The following ARID3B variants were observed in gnomAD, a reference collection of about 807,000 sequenced individuals.
ARID3B encodes AT-rich interactive domain-containing protein 3B.
A neutral mutation model predicts 51.9 loss-of-function variants in ARID3B; 10 were observed. That is an observed-to-expected ratio of 0.19 (90% confidence interval 0.12 to 0.33). The LOEUF is 0.33. Ranked by LOEUF, ARID3B falls within the 10% of genes least tolerant of loss-of-function variation. The pLI, the probability that ARID3B is intolerant of heterozygous loss-of-function variation, is 1.00. For missense variants in ARID3B, 483 were observed against 716.3 expected (o/e 0.67, Z 3.72); for synonymous variants, 205 against 279.5 (o/e 0.73, Z 2.66).
intron 4 of ARID3B, among the ~76,000 whole-genome samples, chr15:74,588,002 A>T (rs1231180962): frequency 6.6e-6 from 1 of 152,058 alleles, no homozygotes; most frequent in Non-Finnish European, 1.5e-5. Context: ...GTGCTTTGGG[A>T]GGCTGAGGCA....
At position 74,544,410 on chromosome 15, in the gene ARID3B, C is replaced by G. The variant is rs2061607670; in HGVS notation, c.474C>G (p.Thr158=). The G allele has an allele frequency of 1.2e-6, 2 of 1,614,162 alleles. No individual in the cohort carries two copies. The highest frequency in any genetic ancestry group is 1.1e-5 in the South Asian group (1 of 91,078). ...PHGQQAKEDH[T]KDASKASPSV... is the part of the protein sequence containing the mutation. ...GACAACAAGCTAAAGAAGACCATACCAAAGATGCTTCCAAGGCCTCACCTT... is the reference window on the plus strand; with the variant it reads ...GACAACAAGCTAAAGAAGACCATACGAAAGATGCTTCCAAGGCCTCACCTT... The change falls in exon 2 of 9, where the codon ACC becomes ACG. Residue 158 remains threonine, a synonymous_variant. Transcript: ENST00000346246.
At chr15:74,550,625 T>C (rs1390352616) in intron 2 of ARID3B, among the ~76,000 whole-genome samples, 1 of 150,884 alleles carries the variant, frequency 6.6e-6, no homozygotes, top group Non-Finnish European at 1.5e-5. Flanking sequence ...GAGAGTGGCA[T>C]GAACCCGGGA....
intron 2 of ARID3B, among the ~76,000 whole-genome samples, chr15:74,567,793 C>T (rs2061704894): frequency 6.6e-6 from 1 of 152,198 alleles, no homozygotes; most frequent in East Asian, 1.9e-4. Context: ...GAGGAAAAAG[C>T]CTAGTTTCTC....
rs147808851 is a variant in ARID3B at position 74,595,618 on chromosome 15, G to A, written c.1527G>A (p.Leu509=). The change falls in exon 9 of 9, where the codon CTG becomes CTA. Residue 509 remains leucine (L), a synonymous_variant. Transcript: ENST00000346246. ...DIDGTTYAGV[L]FAQKPVVHLI... ...TCTCTTCCACCCACCAAGGTGTGCT[G>A]TTTGCCCAGAAGCCTGTGGTCCACC... The A allele has an allele frequency of 1.8e-3, 2,887 of 1,612,600 alleles. 4 individuals are homozygous for A. Among genetic ancestry groups the A allele is most frequent in the Non-Finnish European group, 2.2e-3 (2,629 of 1,179,080 alleles).
At chr15:74,592,129 C>T (rs2061805957) in intron 7 of ARID3B, among the ~76,000 whole-genome samples, 1 of 152,214 alleles carries the variant, frequency 6.6e-6, no homozygotes, top group Non-Finnish European at 1.5e-5. Flanking sequence ...GCCATTACCC[C>T]AGCACCTCAC....
At chr15:74,567,027 A>G (rs895141476) in intron 2 of ARID3B, among the ~76,000 whole-genome samples, 1 of 151,826 alleles carries the variant, frequency 6.6e-6, no homozygotes, top group Non-Finnish European at 1.5e-5. Context: ...TTTTTTTTTC[A>G]ACAAAAATGG....
chr15:74,567,811 A>G (rs1415912308), intron 2 of ARID3B, among the ~76,000 whole-genome samples: 1 of 152,150 alleles, frequency 6.6e-6, no homozygotes, highest in Non-Finnish European at 1.5e-5. Flanking sequence ...CTCTTCACTC[A>G]CTACCTTTAG....
intron 2 of ARID3B, among the ~76,000 whole-genome samples, chr15:74,551,859 A>G (rs1036714762): frequency 5.3e-5 from 8 of 152,066 alleles, no homozygotes; most frequent in African/African-American, 1.9e-4. Flanking sequence ...ACTCCTCAGC[A>G]TACTCCAGTC....
chr15:74,560,375 C>T (rs2141455872), intron 2 of ARID3B, among the ~76,000 whole-genome samples: 1 of 152,124 alleles, frequency 6.6e-6, no homozygotes, highest in East Asian at 1.9e-4. Context: ...AAGTCTGACT[C>T]TTCAGGTGTA....
At chr15:74,545,718 A>C (rs2061613193) in intron 2 of ARID3B, among the ~76,000 whole-genome samples, 1 of 152,234 alleles carries the variant, frequency 6.6e-6, no homozygotes, top group South Asian at 2.1e-4. Context: ...AAGTCATATA[A>C]GAAAGGTCCT....
intron 4 of ARID3B, among the ~76,000 whole-genome samples, chr15:74,578,169 G>GTTTTTTTTTTTTT (rs60825645): frequency 7.2e-6 from 1 of 139,340 alleles, no homozygotes. Flanking sequence ...TCTTTTTTTT[G>GTTTTTTTTTTTTT]TTTTTTTTTG....
intron 2 of ARID3B, among the ~76,000 whole-genome samples, chr15:74,563,855 G>T (rs909370816): frequency 1.3e-5 from 2 of 152,204 alleles, no homozygotes; most frequent in African/African-American, 4.8e-5. Context: ...GCCACCTTTG[G>T]TAGGAACATC....
chr15:74,571,937 C>G (rs2061720524), intron 2 of ARID3B, among the ~76,000 whole-genome samples: 1 of 152,152 alleles, frequency 6.6e-6, no homozygotes, highest in Admixed American at 6.5e-5. Context: ...AACCCCATCT[C>G]TACTAAAAAT....
intron 5 of ARID3B, among the ~76,000 whole-genome samples, 177 bp downstream of exon 5, chr15:74,590,180 C>T (rs2141479455): frequency 6.6e-6 from 1 of 152,314 alleles, no homozygotes; most frequent in Admixed American, 6.5e-5. Flanking sequence ...ATGAGAACCA[C>T]CATTTACCAA....
intron 5 of ARID3B, among the ~76,000 whole-genome samples, chr15:74,590,804 G>A (rs1446968709): frequency 1.3e-5 from 2 of 152,174 alleles, no homozygotes; most frequent in Non-Finnish European, 2.9e-5. Context: ...GACTAGCCCA[G>A]CTCTGAATGG....
chr15:74,572,981 G>A (rs373335623), intron 3 of ARID3B, 48 bp downstream of exon 3: 1 of 1,603,566 alleles, frequency 6.2e-7, no homozygotes, highest in African/African-American at 1.3e-5. Flanking sequence ...TTCTGCAGTG[G>A]CTTGTTACAG....
At chr15:74,583,230 G>A (rs1455211875) in intron 4 of ARID3B, among the ~76,000 whole-genome samples, 1 of 151,960 alleles carries the variant, frequency 6.6e-6, no homozygotes, top group Non-Finnish European at 1.5e-5. Flanking sequence ...ACTGCTTTAC[G>A]CAGCTGGGAT....
At chr15:74,551,408 G>A (rs2061636960) in intron 2 of ARID3B, among the ~76,000 whole-genome samples, 1 of 152,192 alleles carries the variant, frequency 6.6e-6, no homozygotes, top group East Asian at 1.9e-4. Context: ...TCTTTAGGTA[G>A]AAGTAAGCTT....
chr15:74,590,747 T>A (rs1031843396), intron 5 of ARID3B, among the ~76,000 whole-genome samples: 15 of 152,198 alleles, frequency 9.9e-5, no homozygotes, highest in African/African-American at 3.6e-4. Context: ...ACACAAAGAA[T>A]GACAGTGTCT....
Sources: gnomAD v4.1 joint callset for allele counts (sites outside exome capture counted in the v4.1 genomes callset) on GRCh38, gnomAD v4.1.1 for gene constraint, MANE v1.5 for transcripts, NCBI Gene and HGNC (gene_info 2026-07-23, HGNC 2026-07-21) for gene names.